Variants in CACNB4 observed in about 807,000 individuals in gnomAD.
CACNB4 encodes the protein voltage-dependent L-type calcium channel subunit beta-4.
CACNB4 carries 32 observed loss-of-function variants against 71.2 expected under a neutral mutation model. The ratio of observed to expected loss-of-function variants is 0.45; its 90% CI spans 0.34 to 0.60. The LOEUF (loss-of-function observed/expected upper bound fraction) is 0.60. Among genes scored for constraint, CACNB4 ranks in the 20% least tolerant of loss-of-function variants. The pLI is 0.01. For missense variants in CACNB4, 464 were observed against 647.9 expected, an observed-to-expected ratio of 0.72 and a Z score of 3.08; for synonymous variants, 231 against 236.9, an observed-to-expected ratio of 0.97 and a Z score of 0.23.
At chr2:151,895,301 G>T (rs1416689466) in intron 2 of CACNB4, among the ~76,000 whole-genome samples, 1 of 151,810 alleles carries the variant, frequency 6.6e-6, no homozygotes, top group Admixed American at 6.6e-5. Context: ...TGCCTCATTT[G>T]TGAAATAGAA....
chr2:151,973,618 G>A, intron 2 of CACNB4: 13 of 1,533,312 alleles, frequency 8.5e-6, no homozygotes, highest in Non-Finnish European at 1.1e-5. Flanking sequence ...GGGGATAGTG[G>A]GAGGAGGAAG....
chr2:151,833,486 C>T lies in CACNB4; in HGVS notation c.*5633G>A, dbSNP rs112607693. The T allele has an allele frequency of 1.3e-3, 200 of 152,126 alleles. No individual in the cohort carries two copies. Among genetic ancestry groups the T allele is most frequent in the African/African-American group, 4.6e-3 (189 of 41,524 alleles). The allele number at this position is 152,126 out of a possible 1,614,324, so 9.4% of individuals were successfully genotyped here. ...TGAGCTCACTTGCTGTGACTTTCTG[C>T]TGTTGTTATTGAAAGAGAAGAAATA... is the stretch of plus-strand genomic sequence containing the variant. On this transcript the variant is annotated 3_prime_UTR_variant, in exon 14 of 14. Transcript: ENST00000539935.
intron 2 of CACNB4, among the ~76,000 whole-genome samples, chr2:151,884,821 T>C (rs2151458933): frequency 6.6e-6 from 1 of 152,312 alleles, no homozygotes; most frequent in East Asian, 1.9e-4. Context: ...TTTGCATAGA[T>C]GGTAACATTT....
intron 2 of CACNB4, among the ~76,000 whole-genome samples, chr2:152,057,271 C>T (rs1426094498): frequency 6.6e-6 from 1 of 152,154 alleles, no homozygotes; most frequent in African/African-American, 2.4e-5. Context: ...ATCCTTCCCA[C>T]AAATCCTCAG....
At chr2:152,096,211 T>C (rs1355257608) in intron 2 of CACNB4, among the ~76,000 whole-genome samples, 2 of 151,730 alleles carry the variant, frequency 1.3e-5, no homozygotes, top group Non-Finnish European at 1.5e-5. Context: ...AGCCCGGGCA[T>C]GGTGGCTCAC....
At chr2:152,092,753 G>A (rs577182067) in intron 2 of CACNB4, among the ~76,000 whole-genome samples, 13 of 151,734 alleles carry the variant, frequency 8.6e-5, no homozygotes, top group South Asian at 4.2e-4. Context: ...ACCCTTAACC[G>A]TGGGGGATAC....
At chr2:152,005,404 G>A (rs569758368) in intron 2 of CACNB4, among the ~76,000 whole-genome samples, 2 of 152,330 alleles carry the variant, frequency 1.3e-5, no homozygotes, top group South Asian at 4.1e-4. Context: ...GTCATCCTAA[G>A]AGAACTAATG....
intron 2 of CACNB4, among the ~76,000 whole-genome samples, chr2:151,901,573 AAAAC>A (rs1459069813): frequency 1.3e-4 from 20 of 152,178 alleles, no homozygotes; most frequent in African/African-American, 3.6e-4. Context: ...GAAAAAAAAC[AAAAC>A]AAACAAACAA....
intron 2 of CACNB4, among the ~76,000 whole-genome samples, chr2:152,037,608 G>A (rs987061626): frequency 6.6e-6 from 1 of 152,212 alleles, no homozygotes; most frequent in Admixed American, 6.5e-5. Context: ...CTGACTCCCA[G>A]TGAGCCTAAA....
chr2:151,947,181 G>A (rs908926675), intron 2 of CACNB4, among the ~76,000 whole-genome samples: 16 of 152,198 alleles, frequency 1.1e-4, no homozygotes, highest in African/African-American at 3.6e-4. Context: ...GGCTGGTAGC[G>A]TCATCCTGTA....
chr2:152,046,323 T>C (rs1332854406), intron 2 of CACNB4, among the ~76,000 whole-genome samples: 1 of 152,110 alleles, frequency 6.6e-6, no homozygotes, highest in South Asian at 2.1e-4. Context: ...GAAACACAAA[T>C]GCACACTGTG....
chr2:151,949,538 T>C (rs550708028), intron 2 of CACNB4, among the ~76,000 whole-genome samples: 2 of 152,206 alleles, frequency 1.3e-5, no homozygotes, highest in Admixed American at 6.5e-5. Flanking sequence ...TAAAACAGCA[T>C]GGTCCGTTCA....
intron 2 of CACNB4, among the ~76,000 whole-genome samples, chr2:152,028,538 T>C (rs1684099661): frequency 6.6e-6 from 1 of 152,246 alleles, no homozygotes; most frequent in Non-Finnish European, 1.5e-5. Flanking sequence ...CATGTAATCA[T>C]GTTATCACAA....
At chr2:151,958,484 C>T (rs1402482236) in intron 2 of CACNB4, among the ~76,000 whole-genome samples, 2 of 152,112 alleles carry the variant, frequency 1.3e-5, no homozygotes, top group African/African-American at 2.4e-5. Context: ...ACCTGAGATC[C>T]CCAGGGTCAG....
intron 2 of CACNB4, among the ~76,000 whole-genome samples, chr2:151,985,056 A>G (rs897364679): frequency 6.6e-6 from 1 of 152,144 alleles, no homozygotes; most frequent in African/African-American, 2.4e-5. Context: ...ATTTCCCATG[A>G]GTGTATTTTT....
At chr2:151,860,631 A>G in intron 10 of CACNB4, 80 bp downstream of exon 10, 1 of 959,848 alleles carries the variant, frequency 1.0e-6, no homozygotes, top group South Asian at 1.3e-5. Flanking sequence ...AACAAATTGA[A>G]AAAGACATTC....
chr2:151,950,623 T>C (rs1180808977), intron 2 of CACNB4, among the ~76,000 whole-genome samples: 2 of 152,238 alleles, frequency 1.3e-5, no homozygotes, highest in Non-Finnish European at 2.9e-5. Context: ...TGGAATATTA[T>C]TCAGTCATAA....
chr2:151,974,489 C>G (rs923715910), intron 2 of CACNB4, among the ~76,000 whole-genome samples: 3 of 149,884 alleles, frequency 2.0e-5, no homozygotes, highest in African/African-American at 7.6e-5. Flanking sequence ...AAGAAAAGAG[C>G]TCTGTGTCCC....
chr2:151,868,614 A>AC (rs1313241063), intron 9 of CACNB4: 6 of 152,188 alleles, frequency 3.9e-5, no homozygotes, highest in African/African-American at 1.4e-4. Flanking sequence ...CAATAAAATA[A>AC]CAAGGACATT....
Sources: allele counts gnomAD v4.1 joint callset (sites outside exome capture counted in the v4.1 genomes callset), GRCh38; gene constraint gnomAD v4.1.1; transcripts MANE v1.5; gene names NCBI Gene and HGNC (gene_info 2026-07-23, HGNC 2026-07-21).